The following ZSCAN23 variants were observed in gnomAD, a reference collection of about 807,000 sequenced individuals.
ZSCAN23 encodes zinc finger and SCAN domain-containing protein 23.
A neutral mutation model predicts 19.3 loss-of-function variants in ZSCAN23; 19 were observed. The observed-to-expected ratio is 0.99, with a 90% CI of 0.69 to 1.45. The LOEUF (loss-of-function observed/expected upper bound fraction) is 1.45. ZSCAN23 is among the 40% of genes most tolerant of loss of function. The pLI, the probability that ZSCAN23 is intolerant of heterozygous loss-of-function variation, is 0.00. For missense variants in ZSCAN23, 372 were observed against 462.5 expected (o/e 0.80, Z 1.79); for synonymous variants, 140 against 166.2 (o/e 0.84, Z 1.21).
At position 28,436,359 on chromosome 6, in the gene ZSCAN23, C is replaced by A; in HGVS notation, c.-77-16G>T. 1 of 1,305,242 alleles carries A rather than the reference C, an allele frequency of 7.7e-7. No individual in the cohort carries two copies. The highest frequency in any genetic ancestry group is 1.0e-6 in the Non-Finnish European group (1 of 987,460). 80.9% of individuals were successfully genotyped at this position (1,305,242 alleles called of 1,614,324 possible). ...ACCCCGAGATCTAGACAATAATTTA[C>A]GAAGAAAAAAATATAAAAATGCAGA... On this transcript the variant is annotated splice_polypyrimidine_tract_variant and intron_variant, in intron 1 of 3. Transcript: ENST00000289788.
the ZSCAN23 span, among the ~76,000 whole-genome samples, chr6:28,426,554 T>A: frequency 1.4e-5 from 2 of 147,240 alleles, no homozygotes; most frequent in South Asian, 4.3e-4. Flanking sequence ...TGATCACAGA[T>A]CACCATAATA....
rs557759052 is a variant in ZSCAN23 at position 28,443,477 on chromosome 6, T to A, written c.-156A>T. 7.2e-5 allele frequency: 11 copies of A among 152,302 alleles called. No individual in the cohort carries two copies. The highest frequency in any genetic ancestry group is 2.4e-4 in the African/African-American group (10 of 41,570). The allele number at this position is 152,302 out of a possible 1,614,324, so 9.4% of individuals were successfully genotyped here. Reference sequence around the variant, plus strand: ...TCCTTGACAACCGCAGCCCAAAGAATGATAAACTACAAAGGCCGGAAATGC... The same window carrying A: ...TCCTTGACAACCGCAGCCCAAAGAAAGATAAACTACAAAGGCCGGAAATGC... On this transcript the variant is annotated 5_prime_UTR_variant, in exon 1 of 4. Transcript: ENST00000289788.
intron 1 of ZSCAN23, 90 bp from the exon 2 acceptor site, chr6:28,436,433 C>T (rs1761891126): frequency 3.2e-6 from 2 of 620,886 alleles, no homozygotes; most frequent in African/African-American, 3.7e-5. Flanking sequence ...AAATCAGTCA[C>T]TCTGTCTCAT....
Position 28,436,079 on chromosome 6 carries a change from C to T in ZSCAN23, c.188G>A (p.Arg63Gln), listed in dbSNP as rs745892017. Residue 63 changes from arginine (R) to glutamine (Q), a missense_variant, in exon 2 of 4, where the codon CGG (arginine) becomes CAG (glutamine). Transcript: ENST00000289788. ...QFCYQESPGP[R>Q]EALQRLQELC... The stretch of plus-strand genomic sequence containing the variant: ...CTCCTGGAGTCTTTGAAGAGCCTCC[C>T]GGGGCCCAGGGGACTCCTGATAGCA... The T allele has an allele frequency of 2.5e-5, 40 of 1,613,964 alleles. No homozygotes were observed. In the Admixed American group the frequency reaches 2.7e-4, roughly 11 times the overall value.
intron 1 of ZSCAN23, among the ~76,000 whole-genome samples, chr6:28,440,300 G>C (rs893949252): frequency 3.9e-5 from 6 of 152,192 alleles, no homozygotes; most frequent in African/African-American, 1.4e-4. Context: ...GCTCTAACTT[G>C]TATTCTATGA....
chr6:28,427,477 C>CCTAT (rs1761681119), downstream of ZSCAN23, among the ~76,000 whole-genome samples: 1 of 152,200 alleles, frequency 6.6e-6, no homozygotes. Flanking sequence ...GCCTACTATA[C>CCTAT]ACCTAGGCTA....
downstream of ZSCAN23, among the ~76,000 whole-genome samples, chr6:28,428,603 GTTCT>G (rs1295250374): frequency 1.3e-5 from 2 of 152,000 alleles, no homozygotes; most frequent in African/African-American, 4.8e-5. Context: ...TATGGTTTTG[GTTCT>G]TTCTTTAACA....
intron 1 of ZSCAN23, among the ~76,000 whole-genome samples, chr6:28,440,481 A>G (rs916403): frequency 0.52 from 79,387 of 151,996 alleles, 21,934 homozygotes; most frequent in African/African-American, 0.71. Context: ...TTGAAACATG[A>G]TCTGCTGAAT....
Position 28,442,364 on chromosome 6 carries a change from A to G in ZSCAN23, c.-78+1035T>C, listed in dbSNP as rs777042819. On this transcript the variant is annotated intron_variant, in intron 1 of 3. Transcript: ENST00000289788. ...ATGCAAATTAATCTTTTAATAAGATAATGTACAATTTTGGTACAATGGTAG... is the reference window on the plus strand; with the variant it reads ...ATGCAAATTAATCTTTTAATAAGATGATGTACAATTTTGGTACAATGGTAG... Among the ~76,000 whole-genome samples the G allele has an allele frequency of 2.6e-4, 39 of 152,360 alleles. No individual in the cohort carries two copies. In the Middle Eastern group the frequency reaches 0.014, roughly 53 times the overall value.
downstream of ZSCAN23, among the ~76,000 whole-genome samples, chr6:28,428,129 T>G (rs115525829): frequency 1.4e-3 from 219 of 152,296 alleles, no homozygotes; most frequent in African/African-American, 5.0e-3. Flanking sequence ...TCATCCCATA[T>G]TTATTCTGGG....
intron 1 of ZSCAN23, among the ~76,000 whole-genome samples, chr6:28,441,394 C>T (rs1365932736): frequency 6.6e-6 from 1 of 152,148 alleles, no homozygotes; most frequent in East Asian, 1.9e-4. Flanking sequence ...TCAGGTTTTT[C>T]TTCTCATTAT....
intron 2 of ZSCAN23, 71 bp from the exon 3 acceptor site, chr6:28,435,678 G>A (rs572651399): frequency 4.5e-5 from 66 of 1,469,426 alleles, no homozygotes; most frequent in Non-Finnish European, 5.5e-5. Flanking sequence ...CCTCAGGGCC[G>A]CTGGATAGAA....
chr6:28,423,163 A>G, the ZSCAN23 span, among the ~76,000 whole-genome samples: 1 of 152,222 alleles, frequency 6.6e-6, no homozygotes, highest in African/African-American at 2.4e-5. Flanking sequence ...GGGAGGGCAG[A>G]AAGCAGTTTT....
the ZSCAN23 span, among the ~76,000 whole-genome samples, chr6:28,424,458 C>A: frequency 2.0e-5 from 3 of 152,096 alleles, no homozygotes; most frequent in South Asian, 6.2e-4. Context: ...TTGATTCTTC[C>A]TTTCATGAAC....
At chr6:28,437,731 C>G (rs1243103924) in intron 1 of ZSCAN23, among the ~76,000 whole-genome samples, 1 of 152,098 alleles carries the variant, frequency 6.6e-6, no homozygotes, top group Non-Finnish European at 1.5e-5. Flanking sequence ...ACTTTTTTGA[C>G]CAGGACTCTT....
chr6:28,422,747 A>T, the ZSCAN23 span, among the ~76,000 whole-genome samples: 4 of 152,248 alleles, frequency 2.6e-5, no homozygotes. The surrounding 1 kb of genome is among the most constrained non-coding windows in gnomAD (Gnocchi z 4.0). Flanking sequence ...GAAGAAAGAA[A>T]AGAATCATAA....
intron 1 of ZSCAN23, among the ~76,000 whole-genome samples, 151 bp downstream of exon 1, chr6:28,443,248 G>C (rs1172897346): frequency 1.3e-5 from 2 of 152,188 alleles, no homozygotes; most frequent in Admixed American, 6.5e-5. Flanking sequence ...AGCCCTTCCA[G>C]GCTGCGGAGC....
intron 1 of ZSCAN23, among the ~76,000 whole-genome samples, chr6:28,439,898 A>G (rs1289328956): frequency 1.3e-5 from 2 of 152,222 alleles, no homozygotes; most frequent in Non-Finnish European, 2.9e-5. Flanking sequence ...TGTTGGGGAA[A>G]AGAGGGGCCA....
intron 3 of ZSCAN23, 143 bp from the exon 4 acceptor site, chr6:28,435,221 A>C: frequency 8.9e-7 from 1 of 1,121,860 alleles, no homozygotes; most frequent in South Asian, 1.7e-5. Context: ...TCCACTCTAA[A>C]GCTATTATAC....
Sources: gnomAD v4.1 joint callset for allele counts (sites outside exome capture counted in the v4.1 genomes callset) on GRCh38, gnomAD v4.1.1 for gene constraint, Gnocchi (gnomAD v3.1) non-coding constraint, MANE v1.5 for transcripts, NCBI Gene and HGNC (gene_info 2026-07-23, HGNC 2026-07-21) for gene names.